Variants in PHACTR1 observed in about 807,000 individuals in gnomAD.
PHACTR1 encodes phosphatase and actin regulator 1, also known as RPEL repeat containing 1.
PHACTR1 carries 16 observed loss-of-function variants against 69.2 expected under a neutral mutation model. The observed-to-expected ratio is 0.23, with a 90% CI of 0.16 to 0.35. The LOEUF (loss-of-function observed/expected upper bound fraction) is 0.35, where lower values mean the gene tolerates loss of function less well. Among genes scored for constraint, PHACTR1 ranks in the 10% least tolerant of loss-of-function variants. The pLI is 1.00. For missense variants in PHACTR1, 510 were observed against 734.7 expected, an observed-to-expected ratio of 0.69 and a Z score of 3.54; for synonymous variants, 312 against 284.5, an observed-to-expected ratio of 1.10 and a Z score of -0.97.
chr6:12,861,716 C>A (rs1209623778), intron 4 of PHACTR1, among the ~76,000 whole-genome samples: 3 of 152,210 alleles, frequency 2.0e-5, no homozygotes, highest in African/African-American at 7.2e-5. Context: ...TAACCATACT[C>A]TCCCATATAT....
At chr6:12,945,313 T>C (rs1218760582) in intron 4 of PHACTR1, among the ~76,000 whole-genome samples, 1 of 152,236 alleles carries the variant, frequency 6.6e-6, no homozygotes, top group East Asian at 1.9e-4. Flanking sequence ...TCCCCTATGA[T>C]AGCTCTTACT....
chr6:13,278,822 G>C (rs959051079), intron 12 of PHACTR1, among the ~76,000 whole-genome samples: 1 of 151,996 alleles, frequency 6.6e-6, no homozygotes, highest in African/African-American at 2.4e-5. Context: ...AACTAGCTGT[G>C]CATGGTGATG....
intron 7 of PHACTR1, among the ~76,000 whole-genome samples, chr6:13,202,536 G>A (rs1366819523): frequency 1.4e-5 from 2 of 144,396 alleles, no homozygotes; most frequent in Non-Finnish European, 3.0e-5. Context: ...ATAGTGCAAT[G>A]GTGCAATCTC....
intron 9 of PHACTR1, 56 bp downstream of exon 9, chr6:13,228,119 C>A: frequency 6.4e-7 from 1 of 1,556,774 alleles, no homozygotes; most frequent in Non-Finnish European, 8.7e-7. Flanking sequence ...TGTGGAAAGA[C>A]AGCAGAGAGT....
chr6:13,007,562 A>C (rs533651460), intron 4 of PHACTR1, among the ~76,000 whole-genome samples: 4 of 152,252 alleles, frequency 2.6e-5, no homozygotes, highest in African/African-American at 9.6e-5. Flanking sequence ...TAATGTTACA[A>C]GACTTTGCAG....
chr6:13,001,131 A>G (rs1300079201), intron 4 of PHACTR1, among the ~76,000 whole-genome samples: 1 of 152,196 alleles, frequency 6.6e-6, no homozygotes, highest in Non-Finnish European at 1.5e-5. Flanking sequence ...TTGGTAGAAA[A>G]TGTCATGCAA....
chr6:13,182,649 T>C lies in PHACTR1; in HGVS notation c.627T>C (p.Tyr209=), dbSNP rs1762335544. Reference sequence around the variant, plus strand: ...CAATGCCCAGGGATCCCTGCTCATATGAGGTGCTCCAACCGTCAGACATCA... The same window carrying C: ...CAATGCCCAGGGATCCCTGCTCATACGAGGTGCTCCAACCGTCAGACATCA... ...PVPMPRDPCS[Y]EVLQPSDIMD... The change falls in exon 7 of 15, where the codon TAT becomes TAC. Residue 209 remains tyrosine (Y), a synonymous_variant. Coordinates refer to ENST00000332995, the MANE Select transcript of PHACTR1 (RefSeq NM_030948.6). 6.3e-7 allele frequency: 1 copy of C among 1,593,198 alleles called. No individual in the cohort carries two copies. The highest frequency in any genetic ancestry group is 8.5e-7 in the Non-Finnish European group (1 of 1,170,442).
intron 10 of PHACTR1, among the ~76,000 whole-genome samples, chr6:13,269,669 G>GA (rs1325834702): frequency 6.6e-6 from 1 of 151,926 alleles, no homozygotes; most frequent in Non-Finnish European, 1.5e-5. Context: ...TGTCTCTACT[G>GA]AAAATACAAA....
intron 4 of PHACTR1, among the ~76,000 whole-genome samples, chr6:13,013,751 AC>A (rs1326469729): frequency 2.0e-5 from 3 of 148,774 alleles, no homozygotes; most frequent in African/African-American, 7.3e-5. Context: ...GCCCTCCCCG[AC>A]CCGCCCCGCC....
chr6:13,079,777 T>A (rs758444979), intron 5 of PHACTR1, among the ~76,000 whole-genome samples: 6 of 152,116 alleles, frequency 3.9e-5, no homozygotes, highest in Non-Finnish European at 8.8e-5. Context: ...AAATTAAAAG[T>A]AGCAGTGTGA....
intron 4 of PHACTR1, among the ~76,000 whole-genome samples, chr6:12,989,919 T>TTA (rs1796623611): frequency 2.0e-5 from 3 of 152,204 alleles, no homozygotes; most frequent in African/African-American, 4.8e-5. Flanking sequence ...TAGGAGCCCA[T>TTA]ACGTCTGTCC....
chr6:12,737,398 T>TATACAC (rs1554130628), intron 3 of PHACTR1, among the ~76,000 whole-genome samples: 2 of 149,380 alleles, frequency 1.3e-5, no homozygotes, highest in East Asian at 3.9e-4. Flanking sequence ...TATTGTTTTA[T>TATACAC]ACACACACAC....
At chr6:13,036,387 A>C (rs1202074135) in intron 4 of PHACTR1, among the ~76,000 whole-genome samples, 1 of 152,214 alleles carries the variant, frequency 6.6e-6, no homozygotes, top group Non-Finnish European at 1.5e-5. Flanking sequence ...ATAATTTTTA[A>C]TGGCTGCATA....
At chr6:12,836,303 A>T (rs552758745) in intron 4 of PHACTR1, among the ~76,000 whole-genome samples, 1 of 152,130 alleles carries the variant, frequency 6.6e-6, no homozygotes, top group Non-Finnish European at 1.5e-5. Flanking sequence ...AGGACAAATG[A>T]TGGAATAAGA....
intron 8 of PHACTR1, among the ~76,000 whole-genome samples, chr6:13,218,294 A>G (rs996948566): frequency 6.6e-6 from 1 of 152,144 alleles, no homozygotes; most frequent in East Asian, 1.9e-4. Flanking sequence ...CCTCCCATGG[A>G]TGGGTCACAG....
At chr6:13,128,673 A>G (rs1424972887) in intron 5 of PHACTR1, among the ~76,000 whole-genome samples, 1 of 152,028 alleles carries the variant, frequency 6.6e-6, no homozygotes, top group Non-Finnish European at 1.5e-5. Context: ...CAAACCTAAG[A>G]ATAATTGGCA....
chr6:13,115,793 C>T (rs1453559700), intron 5 of PHACTR1, among the ~76,000 whole-genome samples: 2 of 152,090 alleles, frequency 1.3e-5, no homozygotes, highest in Non-Finnish European at 2.9e-5. Context: ...GTTGTGTCTG[C>T]GCTCACACAG....
chr6:12,860,686 A>T (rs923291424), intron 4 of PHACTR1, among the ~76,000 whole-genome samples: 2 of 152,160 alleles, frequency 1.3e-5, no homozygotes, highest in Non-Finnish European at 2.9e-5. Context: ...AATGATCGCC[A>T]TTCTAACTGG....
intron 4 of PHACTR1, among the ~76,000 whole-genome samples, chr6:13,028,892 G>A (rs1802058903): frequency 6.6e-6 from 1 of 152,172 alleles, no homozygotes. Context: ...TTTGTATGAA[G>A]AGGCTGGTTT....
Sources: gnomAD v4.1 joint callset for allele counts (sites outside exome capture counted in the v4.1 genomes callset) on GRCh38, gnomAD v4.1.1 for gene constraint, MANE v1.5 for transcripts, NCBI Gene and HGNC (gene_info 2026-07-23, HGNC 2026-07-21) for gene names.